RRBP1: variants seen among roughly 807,000 people sequenced by gnomAD.
RRBP1 encodes ribosome-binding protein 1.
A neutral mutation model predicts 165.2 loss-of-function variants in RRBP1; 94 were observed. That is an observed-to-expected ratio of 0.57 (90% CI 0.48 to 0.68). The LOEUF (loss-of-function observed/expected upper bound fraction) is 0.68. RRBP1 is among the 30% of genes least tolerant of loss of function. The pLI is 0.00. For missense variants in RRBP1, 1,676 were observed against 1,763.0 expected (o/e 0.95, Z 0.88); for synonymous variants, 680 against 714.5 (o/e 0.95, Z 0.77).
chr20:17,620,550 TGGAGGAC>T (rs1392541208), intron 17 of RRBP1, 158 bp downstream of exon 17: 7 of 803,930 alleles, frequency 8.7e-6, no homozygotes, highest in Non-Finnish European at 1.1e-5. Flanking sequence ...GGGGGCCTCC[TGGAGGAC>T]GGACTGAGCT....
At chr20:17,617,186 G>A (rs1270556182) in intron 20 of RRBP1, among the ~76,000 whole-genome samples, 3 of 152,334 alleles carry the variant, frequency 2.0e-5, no homozygotes, top group South Asian at 2.1e-4. Context: ...TACACCCCCC[G>A]TTTCTCCTTC....
chr20:17,639,894 C>CAAAA (rs11476981), intron 5 of RRBP1, among the ~76,000 whole-genome samples: 1 of 98,792 alleles, frequency 1.0e-5, no homozygotes, highest in African/African-American at 3.9e-5. Flanking sequence ...ACTCCAGTCT[C>CAAAA]AAAAAAAAAA....
At chr20:17,633,706 A>G (rs2036196814) in intron 7 of RRBP1, 93 bp from the exon 8 acceptor site, 2 of 1,325,998 alleles carry the variant, frequency 1.5e-6, no homozygotes, top group South Asian at 2.8e-5. Context: ...CTCTCTTGTA[A>G]GTAAGCAGTT....
intron 3 of RRBP1, among the ~76,000 whole-genome samples, chr20:17,648,923 G>A (rs908048071): frequency 1.3e-5 from 2 of 152,190 alleles, no homozygotes; most frequent in African/African-American, 4.8e-5. Context: ...GAAAACGGCA[G>A]GGGATTTTTA....
At chr20:17,639,581 T>C (rs73898389) in intron 5 of RRBP1, among the ~76,000 whole-genome samples, 2,815 of 152,276 alleles carry the variant, frequency 0.018, 79 homozygotes, top group African/African-American at 0.064. Context: ...TGCTGGGCAG[T>C]TGCAGTGTTA....
intron 2 of RRBP1, among the ~76,000 whole-genome samples, chr20:17,664,770 C>CG (rs2036837491): frequency 6.6e-6 from 1 of 152,116 alleles, no homozygotes; most frequent in Non-Finnish European, 1.5e-5. Flanking sequence ...AGCAGCTCCA[C>CG]GGGGGACCGT....
chr20:17,634,369 G>A (rs1489138654), intron 7 of RRBP1, among the ~76,000 whole-genome samples: 2 of 150,596 alleles, frequency 1.3e-5, no homozygotes, highest in African/African-American at 5.0e-5. Context: ...CTGCCTGCGG[G>A]GTGGTGGGTC....
rs539660347 is a variant in RRBP1 at position 17,617,752 on chromosome 20, G to T, written c.3759+844C>A. On this transcript the variant is annotated intron_variant, in intron 20 of 24. Coordinates refer to ENST00000377813, the MANE Select transcript of RRBP1 (RefSeq NM_001365613.2). Reference sequence around the variant, plus strand: ...GACCAAGGGGGACCGAGGGTGTTGGGAGCGTGTGCCGGACTCACTGGCTGC... The same window carrying T: ...GACCAAGGGGGACCGAGGGTGTTGGTAGCGTGTGCCGGACTCACTGGCTGC... Among the ~76,000 whole-genome samples the T allele has an allele frequency of 3.3e-5, 5 of 152,344 alleles. No homozygotes were observed. The South Asian group carries it at 1.0e-3, about 32-fold the overall frequency.
rs116933131 is a variant in RRBP1, at chr20:17,614,241, C to T, written c.4195-21G>A. ...TCCTCCTGTGAACGAAGGCAGGTGGCGTGAGGGGGGCTGGGCCACGAGCCA... is the reference window on the plus strand; with the variant it reads ...TCCTCCTGTGAACGAAGGCAGGTGGTGTGAGGGGGGCTGGGCCACGAGCCA... On this transcript the variant is annotated intron_variant, in intron 24 of 24. Transcript: ENST00000377813. The T allele has an allele frequency of 2.9e-3, 4,741 of 1,611,614 alleles. 82 individuals are homozygous for T. The East Asian group carries it at 0.057, about 19-fold the overall frequency.
intron 8 of RRBP1, among the ~76,000 whole-genome samples, chr20:17,631,844 G>A (rs1391176074): frequency 1.3e-5 from 2 of 152,240 alleles, no homozygotes; most frequent in East Asian, 3.8e-4. Flanking sequence ...GTGAAGGCAG[G>A]ACAGTCACAA....
intron 24 of RRBP1, 35 bp from the exon 25 acceptor site, chr20:17,614,255 G>A: frequency 1.2e-6 from 2 of 1,608,690 alleles, no homozygotes; most frequent in Non-Finnish European, 1.7e-6. Context: ...AGGGGGGCTG[G>A]GCCACGAGCC....
intron 5 of RRBP1, among the ~76,000 whole-genome samples, chr20:17,640,868 G>A (rs2036342031): frequency 6.6e-6 from 1 of 152,344 alleles, no homozygotes; most frequent in South Asian, 2.1e-4. Flanking sequence ...CTTTGTGCTC[G>A]AGCAGACAAA....
intron 1 of RRBP1, among the ~76,000 whole-genome samples, chr20:17,681,707 G>A (rs1240529500): frequency 6.7e-6 from 1 of 150,316 alleles, no homozygotes; most frequent in Non-Finnish European, 1.5e-5. Context: ...CGACGGCCCT[G>A]CCGGGAGGGA....
At chr20:17,654,792 C>G (rs1367016707) in intron 3 of RRBP1, among the ~76,000 whole-genome samples, 1 of 152,184 alleles carries the variant, frequency 6.6e-6, no homozygotes, top group African/African-American at 2.4e-5. Flanking sequence ...CACCCCCGAA[C>G]TACTGAGATG....
intron 2 of RRBP1, among the ~76,000 whole-genome samples, chr20:17,661,231 T>G (rs971878339): frequency 1.3e-5 from 2 of 152,236 alleles, no homozygotes; most frequent in African/African-American, 4.8e-5. Flanking sequence ...TAAAAACTTC[T>G]GCATTACAAT....
chr20:17,680,379 CT>C, intron 1 of RRBP1, among the ~76,000 whole-genome samples: 1 of 152,260 alleles, frequency 6.6e-6, no homozygotes, highest in Admixed American at 6.5e-5. Context: ...ATATGAGGCC[CT>C]ACCAGGCCCA....
intron 7 of RRBP1, 96 bp downstream of exon 7, chr20:17,635,450 C>A: frequency 1.1e-6 from 1 of 890,968 alleles, no homozygotes; most frequent in Non-Finnish European, 1.7e-6. Context: ...GGGCCCATGC[C>A]TGGCTCTTGT....
intron 9 of RRBP1, among the ~76,000 whole-genome samples, chr20:17,629,234 G>A (rs919490691): frequency 6.6e-4 from 100 of 152,348 alleles, no homozygotes; most frequent in African/African-American, 2.2e-3. Flanking sequence ...GGAGGGGCTC[G>A]GGAAGCGCCA....
intron 4 of RRBP1, 23 bp downstream of exon 4, chr20:17,642,956 G>A (rs762769334): frequency 4.3e-6 from 7 of 1,610,400 alleles, no homozygotes; most frequent in Non-Finnish European, 5.1e-6. Flanking sequence ...CTCTGAGCAT[G>A]GCCAGCAGGA....
Sources: gnomAD v4.1 joint callset for allele counts (sites outside exome capture counted in the v4.1 genomes callset) on GRCh38, gnomAD v4.1.1 for gene constraint, MANE v1.5 for transcripts, NCBI Gene and HGNC (gene_info 2026-07-23, HGNC 2026-07-21) for gene names.